The following RPGR variants were observed in gnomAD, a reference collection of about 807,000 sequenced individuals.
RPGR encodes the protein retinitis pigmentosa GTPase regulator.
A neutral mutation model predicts 56.3 loss-of-function variants in RPGR; 10 were observed. The ratio of observed to expected loss-of-function variants is 0.18; its 90% CI spans 0.11 to 0.30. The LOEUF (loss-of-function observed/expected upper bound fraction) is 0.30, where lower values mean the gene tolerates loss of function less well. Among genes scored for constraint, RPGR ranks in the 10% least tolerant of loss-of-function variants. The pLI is 1.00. For missense variants in RPGR, 538 were observed against 590.9 expected (o/e 0.91, Z 0.93); for synonymous variants, 197 against 212.9 (o/e 0.93, Z 0.65).
chrX:38,274,603 T>TCAC (rs1261949810), intron 17 of RPGR, among the ~76,000 whole-genome samples: 1 of 111,648 alleles, frequency 9.0e-6, no homozygotes, highest in East Asian at 2.8e-4. Context: ...TCACCTGAGG[T>TCAC]CAGGAGTTTG....
intron 10 of RPGR, chrX:38,298,522 C>A: frequency 3.8e-6 from 1 of 261,872 alleles, no homozygotes; most frequent in Non-Finnish European, 7.0e-6. Flanking sequence ...AACATTGTGC[C>A]TATAGTCAAC....
chrX:38,303,502 T>C, intron 8 of RPGR: 1 of 229,870 alleles, frequency 4.4e-6, no homozygotes. Context: ...ATGTATCTAC[T>C]ATTAGTGGAA....
intron 13 of RPGR, among the ~76,000 whole-genome samples, 190 bp downstream of exon 13, chrX:38,290,767 CTT>C (rs1390868452): frequency 4.5e-5 from 5 of 111,088 alleles, no homozygotes; most frequent in Non-Finnish European, 9.4e-5. Context: ...TGCTTCCACT[CTT>C]GTTTCTTTAC....
chrX:38,274,251 A>G (rs1389114263), intron 17 of RPGR, among the ~76,000 whole-genome samples: 4 of 111,646 alleles, frequency 3.6e-5, no homozygotes, highest in Non-Finnish European at 5.7e-5. Flanking sequence ...AGTCTCCTCT[A>G]TTCCACAGCA....
intron 6 of RPGR, among the ~76,000 whole-genome samples, chrX:38,317,045 A>C (rs2067839434): frequency 9.0e-6 from 1 of 111,503 alleles, no homozygotes; most frequent in Non-Finnish European, 1.9e-5. Context: ...AGAAGTTGGG[A>C]ATGCTGAGAA....
At chrX:38,298,843 T>C in intron 10 of RPGR, 113 bp downstream of exon 10, 1 of 815,208 alleles carries the variant, frequency 1.2e-6, no homozygotes, top group Non-Finnish European at 1.8e-6. Context: ...TAATTTTATG[T>C]AGCAAATTTA....
intron 13 of RPGR, among the ~76,000 whole-genome samples, chrX:38,288,471 G>A (rs989431959): frequency 5.6e-4 from 63 of 111,632 alleles, no homozygotes; most frequent in African/African-American, 2.0e-3. Flanking sequence ...TTAAGAGGCC[G>A]AGGCGGGTGG....
At position 38,278,581 on chromosome X, in the gene RPGR, T is replaced by C. The variant is rs778138928; in HGVS notation, c.1906-1809A>G. 4.9e-4 allele frequency among the ~76,000 whole-genome samples: 55 copies of C among 112,652 alleles called. No homozygotes were observed. The East Asian group carries it at 5.3e-3, about 11-fold the overall frequency. ...AGTGACTTATATTGTGTATCATGCC[T>C]AGCCAGGTATACATTATGGGTAGCT... On this transcript the variant is annotated intron_variant, in intron 15 of 18. Transcript: ENST00000642395.
chrX:38,309,276 T>TA (rs1253186859), intron 7 of RPGR, among the ~76,000 whole-genome samples: 1 of 111,744 alleles, frequency 8.9e-6, no homozygotes, highest in Non-Finnish European at 1.9e-5. Flanking sequence ...ATCTGTAATT[T>TA]AAAACCATAC....
chrX:38,271,507 A>T (rs1404540602), intron 18 of RPGR, among the ~76,000 whole-genome samples: 1 of 112,034 alleles, frequency 8.9e-6, no homozygotes, highest in East Asian at 2.8e-4. Context: ...ACTTTGAAAC[A>T]ATTTGATCTC....
chrX:38,314,945 A>G (rs1341134073), intron 6 of RPGR, among the ~76,000 whole-genome samples: 2 of 111,896 alleles, frequency 1.8e-5, no homozygotes, highest in African/African-American at 3.2e-5. Context: ...TATATCAAAG[A>G]GATATCTGCA....
intron 7 of RPGR, among the ~76,000 whole-genome samples, chrX:38,306,420 G>C (rs144701085): frequency 0.02 from 2,241 of 111,869 alleles, 38 homozygotes; most frequent in Middle Eastern, 0.048. Context: ...TCTATCAATG[G>C]GGGTTACAAA....
chrX:38,291,815 G>A (rs79650568), intron 11 of RPGR, among the ~76,000 whole-genome samples: 3 of 111,758 alleles, frequency 2.7e-5, no homozygotes, highest in Non-Finnish European at 5.6e-5. Flanking sequence ...GACCTACAAC[G>A]TCCTGGTGTT....
intron 11 of RPGR, among the ~76,000 whole-genome samples, chrX:38,292,948 T>G (rs1278083043): frequency 9.0e-6 from 1 of 111,722 alleles, no homozygotes; most frequent in East Asian, 2.8e-4. Flanking sequence ...GAAAGAAGCT[T>G]GTCTTGAAGG....
chrX:38,305,009 G>T (rs1467130740), intron 7 of RPGR, among the ~76,000 whole-genome samples: 2 of 112,071 alleles, frequency 1.8e-5, no homozygotes, highest in African/African-American at 6.5e-5. Flanking sequence ...TATGACATGG[G>T]TATGATTTTA....
In RPGR at chrX:38,308,652, GATA is replaced by G. The variant is rs757697184; in HGVS notation, c.778+1960_778+1962del. Among the ~76,000 whole-genome samples, 918 of 111,427 alleles carry G rather than the reference GATA, an allele frequency of 8.2e-3. 9 individuals carry two copies. The highest frequency in any genetic ancestry group is 0.029 in the African/African-American group (884 of 30,782). ...TTTCTGCCTATAGAATGAATTTTCA[GATA>G]ATGTGTAAAAATTAATTTCAAAGTT... On this transcript the variant is annotated intron_variant, in intron 7 of 18. Coordinates refer to ENST00000642395, the MANE Select transcript of RPGR (RefSeq NM_000328.3).
chrX:38,308,660 G>A (rs1290320245), intron 7 of RPGR, among the ~76,000 whole-genome samples: 4 of 111,346 alleles, frequency 3.6e-5, no homozygotes, highest in South Asian at 3.7e-4. Flanking sequence ...CAGATAATGT[G>A]TAAAAATTAA....
intron 9 of RPGR, among the ~76,000 whole-genome samples, chrX:38,300,013 A>C (rs1439643201): frequency 9.1e-6 from 1 of 110,268 alleles, no homozygotes; most frequent in Admixed American, 9.7e-5. Flanking sequence ...GCAATGGCAC[A>C]ATCTCGGCTC....
At position 38,290,999 on chromosome X, in the gene RPGR, T is replaced by A; in HGVS notation, c.1532A>T (p.Asn511Ile). 9.3e-7 allele frequency: 1 copy of A among 1,073,074 alleles called. No individual in the cohort carries two copies. The highest frequency in any genetic ancestry group is 1.3e-6 in the Non-Finnish European group (1 of 791,381). 88.4% of individuals were successfully genotyped at this position (1,073,074 alleles called of 1,213,427 possible). ...TGGTGATAATTTTAATGACTTTTCA[T>A]TGGAATTCAGGCTCATGATGTGTGT... is the stretch of plus-strand genomic sequence containing the variant. The change falls in exon 13 of 19, where the codon AAT becomes ATT. Residue 511 changes from asparagine to isoleucine, a missense_variant. Asn to Ile is a moderately radical substitution (Grantham distance 149). This residue lies in a region of RPGR where 357 missense variants were observed against 325.8 expected (regional missense o/e 1.10). Transcript: ENST00000642395.
Sources: gnomAD v4.1 joint callset for allele counts (sites outside exome capture counted in the v4.1 genomes callset) on GRCh38, gnomAD v4.1.1 for gene constraint, gnomAD v4.1.1 regional missense constraint, MANE v1.5 for transcripts, NCBI Gene and HGNC (gene_info 2026-07-23, HGNC 2026-07-21) for gene names.